Variants in SYT16 observed in about 807,000 individuals in gnomAD.
SYT16 encodes synaptotagmin 16, also known as synaptotagmin-16.
Under a neutral mutation model 61.4 loss-of-function variants are expected in SYT16, and 42 were observed. The observed-to-expected ratio is 0.68, with a 90% CI of 0.53 to 0.89. The LOEUF (loss-of-function observed/expected upper bound fraction) is 0.89. Ranked by LOEUF, SYT16 falls within the 40% of genes least tolerant of loss-of-function variation. The pLI, the probability that SYT16 is intolerant of heterozygous loss-of-function variation, is 0.00. For synonymous variants in SYT16, 314 were observed against 302.3 expected, an observed-to-expected ratio of 1.04 and a Z score of -0.40; for missense variants, 804 against 807.3, an observed-to-expected ratio of 1.00 and a Z score of 0.05.
intron 2 of SYT16, among the ~76,000 whole-genome samples, chr14:61,986,926 A>G (rs900203798): frequency 6.6e-6 from 1 of 152,178 alleles, no homozygotes; most frequent in Non-Finnish European, 1.5e-5. Context: ...GGTGCTGACA[A>G]CATGGCAAAG....
intron 3 of SYT16, among the ~76,000 whole-genome samples, chr14:62,060,121 C>T (rs575278617): frequency 2.0e-5 from 3 of 152,176 alleles, no homozygotes; most frequent in Non-Finnish European, 2.9e-5. Flanking sequence ...TTCTTAAACA[C>T]TTCAGAGTCT....
chr14:61,988,972 C>G (rs965617797), intron 2 of SYT16, among the ~76,000 whole-genome samples: 2 of 152,012 alleles, frequency 1.3e-5, no homozygotes, highest in African/African-American at 4.8e-5. Flanking sequence ...CCAGATCCAC[C>G]TGTATTACAC....
chr14:61,986,569 T>G (rs191831284), intron 2 of SYT16, among the ~76,000 whole-genome samples: 1 of 151,984 alleles, frequency 6.6e-6, no homozygotes, highest in South Asian at 2.1e-4. Flanking sequence ...GTCATTTACA[T>G]TAGGTATATC....
At position 62,102,220 on chromosome 14, in the gene SYT16, G is replaced by A. The variant is rs1040603419; in HGVS notation, c.*1513G>A. ...CTCCACGTTTTGACAGATTGTAAGC[G>A]TAGGCTGTAACACTTGAAGAACATA... On this transcript the variant is annotated 3_prime_UTR_variant, in exon 8 of 8. Transcript: ENST00000683842. 4 of 152,180 alleles carry A rather than the reference G, an allele frequency of 2.6e-5. No individual in the cohort carries two copies. The highest frequency in any genetic ancestry group is 4.4e-5 in the Non-Finnish European group (3 of 68,034). 9.4% of individuals were successfully genotyped at this position (152,180 alleles called of 1,614,324 possible).
In SYT16 at chr14:61,996,084, C is replaced by T. The variant is rs1333500903; in HGVS notation, c.65C>T (p.Ser22Phe). Residue 22 changes from serine to phenylalanine, a missense_variant, in exon 3 of 8, where the codon TCT becomes TTT. Coordinates refer to ENST00000683842, the MANE Select transcript of SYT16 (RefSeq NM_001367656.1). ...NFFQPFSSWISRVYEALQQAG... is the reference protein window; with the variant it reads ...NFFQPFSSWIFRVYEALQQAG... Reference sequence around the variant, plus strand: ...TTCCAGCCTTTCTCTTCCTGGATATCTCGGGTTTATGAAGCTCTCCAGCAA... The same window carrying T: ...TTCCAGCCTTTCTCTTCCTGGATATTTCGGGTTTATGAAGCTCTCCAGCAA... The T allele has an allele frequency of 3.1e-6, 5 of 1,612,150 alleles. No individual in the cohort carries two copies. In the African/African-American group the frequency reaches 5.3e-5, roughly 17 times the overall value.
chr14:61,860,381 C>A (rs1429849429), intron 1 of SYT16, among the ~76,000 whole-genome samples: 1 of 152,148 alleles, frequency 6.6e-6, no homozygotes, highest in East Asian at 1.9e-4. Flanking sequence ...GTCTTTCATT[C>A]CTTTTTAGTG....
chr14:62,008,220 C>T (rs1226801468), intron 3 of SYT16, among the ~76,000 whole-genome samples: 1 of 151,812 alleles, frequency 6.6e-6, no homozygotes, highest in Non-Finnish European at 1.5e-5. Context: ...CATATCTGCC[C>T]CTGAGGAGAG....
intron 3 of SYT16, among the ~76,000 whole-genome samples, chr14:62,045,902 G>T (rs1196027009): frequency 6.6e-6 from 1 of 152,110 alleles, no homozygotes; most frequent in Non-Finnish European, 1.5e-5. Flanking sequence ...GAATAGTGCC[G>T]CAATAAACAT....
chr14:61,918,239 T>G (rs1298186529), intron 1 of SYT16, among the ~76,000 whole-genome samples: 2 of 152,198 alleles, frequency 1.3e-5, no homozygotes, highest in Non-Finnish European at 2.9e-5. Context: ...AAACAACTTT[T>G]GTCTCATTAT....
At chr14:62,097,846 C>T (rs2057316828) in intron 7 of SYT16, among the ~76,000 whole-genome samples, 1 of 152,208 alleles carries the variant, frequency 6.6e-6, no homozygotes, top group Non-Finnish European at 1.5e-5. Context: ...ATTCCCACTG[C>T]TATACCTGGC....
Position 61,996,495 on chromosome 14 carries a change from A to ACAGC in SYT16, c.481_484dup (p.Leu162ProfsTer10), listed in dbSNP as rs1450346160. 8.1e-6 allele frequency: 13 copies of ACAGC among 1,612,822 alleles called. No homozygotes were observed. Among genetic ancestry groups the ACAGC allele is most frequent in the Non-Finnish European group, 1.1e-5 (13 of 1,179,382 alleles). On this transcript the variant is annotated frameshift_variant, in exon 3 of 8. Transcript: ENST00000683842. LOFTEE classifies it high-confidence loss of function. ...AGAAGTGGCCTTCAACATGGCTTTG[A>ACAGC]CAGCCAGCTCCCTGGTACTTTAGAA...
At chr14:61,820,931 G>A (rs1179871741) in intron 1 of SYT16, among the ~76,000 whole-genome samples, 2 of 152,166 alleles carry the variant, frequency 1.3e-5, no homozygotes, top group African/African-American at 4.8e-5. Flanking sequence ...TCTGGGAGTA[G>A]CCTTTCTCTG....
chr14:62,045,382 T>C (rs1436380486), intron 3 of SYT16, among the ~76,000 whole-genome samples: 3 of 152,120 alleles, frequency 2.0e-5, no homozygotes, highest in Admixed American at 2.0e-4. Context: ...GTTAAGTCTT[T>C]TGGAATTTTT....
intron 3 of SYT16, among the ~76,000 whole-genome samples, chr14:62,053,036 T>G (rs1279491603): frequency 6.6e-6 from 1 of 152,140 alleles, no homozygotes; most frequent in Non-Finnish European, 1.5e-5. Flanking sequence ...GGGTAGAGGC[T>G]GGAAGGGTTT....
chr14:62,087,083 C>T (rs1055516078), intron 7 of SYT16, among the ~76,000 whole-genome samples: 8 of 152,178 alleles, frequency 5.3e-5, no homozygotes, highest in East Asian at 3.8e-4. Flanking sequence ...CATTATGTCT[C>T]GCTTCATTAT....
At position 61,899,699 on chromosome 14, in the gene SYT16, C is replaced by T. The variant is rs112573901; in HGVS notation, c.-324-70433C>T. Among the ~76,000 whole-genome samples the T allele has an allele frequency of 3.0e-3, 463 of 152,266 alleles. 3 individuals carry two copies. Among genetic ancestry groups the T allele is most frequent in the African/African-American group, 0.011 (438 of 41,546 alleles). Reference sequence around the variant, plus strand: ...GAATGGTCTCTGTCTTAGGCAGCGCCGGAAGGCCTGTTGGTTGGAAACTGA... The same window carrying T: ...GAATGGTCTCTGTCTTAGGCAGCGCTGGAAGGCCTGTTGGTTGGAAACTGA... On this transcript the variant is annotated intron_variant, in intron 1 of 7. Coordinates refer to ENST00000683842, the MANE Select transcript of SYT16 (RefSeq NM_001367656.1).
intron 1 of SYT16, among the ~76,000 whole-genome samples, chr14:61,911,052 CTTGCCTA>C (rs2048915323): frequency 6.6e-6 from 1 of 152,230 alleles, no homozygotes; most frequent in Non-Finnish European, 1.5e-5. Context: ...TGAACAATTT[CTTGCCTA>C]TTGACTGACT....
In SYT16 at chr14:61,876,398, A is replaced by T. The variant is rs1028594719; in HGVS notation, c.-325+63588A>T. Among the ~76,000 whole-genome samples the T allele has an allele frequency of 5.9e-5, 9 of 152,330 alleles. No individual in the cohort carries two copies. The East Asian group carries it at 1.7e-3, about 29-fold the overall frequency. ...ATGAAACCCTGACCATGTAATCAAG[A>T]TAATGAGGGATTTTTAATTTGGGTG... On this transcript the variant is annotated intron_variant, in intron 1 of 7. Coordinates refer to ENST00000683842, the MANE Select transcript of SYT16 (RefSeq NM_001367656.1).
chr14:61,858,658 T>G (rs1024709573), intron 1 of SYT16, among the ~76,000 whole-genome samples: 1 of 152,160 alleles, frequency 6.6e-6, no homozygotes, highest in Non-Finnish European at 1.5e-5. Context: ...AAAAAATTAG[T>G]ACGTGAACTT....
Sources: gnomAD v4.1 joint callset for allele counts (sites outside exome capture counted in the v4.1 genomes callset) on GRCh38, gnomAD v4.1.1 for gene constraint, MANE v1.5 for transcripts, NCBI Gene and HGNC (gene_info 2026-07-23, HGNC 2026-07-21) for gene names.